Variants in HS3ST2 observed in about 807,000 individuals in gnomAD.
HS3ST2 encodes the protein heparan sulfate glucosamine 3-O-sulfotransferase 2.
Under a neutral mutation model 26.3 loss-of-function variants are expected in HS3ST2, and 17 were observed. That is an observed-to-expected ratio of 0.65 (90% CI 0.44 to 0.97). The LOEUF is 0.97. Among genes scored for constraint, HS3ST2 ranks in the 50% least tolerant of loss-of-function variants. The pLI is 0.00. For missense variants in HS3ST2, 402 were observed against 501.2 expected, an observed-to-expected ratio of 0.80 and a Z score of 1.89; for synonymous variants, 237 against 219.2, an observed-to-expected ratio of 1.08 and a Z score of -0.72.
chr16:22,906,294 C>T (rs1902350744), intron 1 of HS3ST2, among the ~76,000 whole-genome samples: 1 of 152,042 alleles, frequency 6.6e-6, no homozygotes, highest in African/African-American at 2.4e-5. Context: ...TCGCTTGAAC[C>T]TGGGAGGTGG....
intron 1 of HS3ST2, among the ~76,000 whole-genome samples, chr16:22,899,541 T>C (rs1902255769): frequency 6.6e-6 from 1 of 152,108 alleles, no homozygotes; most frequent in African/African-American, 2.4e-5. Flanking sequence ...CATGGTGGAA[T>C]TGTGCTGTGT....
intron 1 of HS3ST2, among the ~76,000 whole-genome samples, chr16:22,818,085 G>C (rs1258971471): frequency 5.9e-5 from 9 of 152,176 alleles, no homozygotes; most frequent in Non-Finnish European, 1.2e-4. Context: ...CCAATTTGCT[G>C]TCTTTCTGCC....
At chr16:22,819,945 GCAGA>G (rs1567478923) in intron 1 of HS3ST2, among the ~76,000 whole-genome samples, 1 of 152,244 alleles carries the variant, frequency 6.6e-6, no homozygotes, top group Non-Finnish European at 1.5e-5. Flanking sequence ...CGTAGTTAAT[GCAGA>G]CAGTTTTATC....
chr16:22,819,786 A>C (rs1218297503), intron 1 of HS3ST2, among the ~76,000 whole-genome samples: 1 of 152,236 alleles, frequency 6.6e-6, no homozygotes, highest in Non-Finnish European at 1.5e-5. Flanking sequence ...AGTACGAAAG[A>C]GAATAAAAAG....
chr16:22,827,060 G>T (rs765507045), intron 1 of HS3ST2, among the ~76,000 whole-genome samples: 3 of 152,156 alleles, frequency 2.0e-5, no homozygotes, highest in Non-Finnish European at 2.9e-5. Context: ...GTTAGGGAAG[G>T]CCTAGCAGAG....
intron 1 of HS3ST2, among the ~76,000 whole-genome samples, chr16:22,889,467 A>G (rs2141200172): frequency 6.6e-6 from 1 of 152,316 alleles, no homozygotes; most frequent in South Asian, 2.1e-4. Context: ...TCCAGAATCC[A>G]AAGCATTTTG....
intron 1 of HS3ST2, among the ~76,000 whole-genome samples, chr16:22,832,932 A>T (rs71378484): frequency 0.12 from 18,767 of 151,870 alleles, 1,279 homozygotes; most frequent in South Asian, 0.22. Context: ...GCAAGGACCA[A>T]ACCTTCCTGA....
At chr16:22,860,237 C>G (rs1901655928) in intron 1 of HS3ST2, among the ~76,000 whole-genome samples, 1 of 152,092 alleles carries the variant, frequency 6.6e-6, no homozygotes, top group Non-Finnish European at 1.5e-5. Context: ...AGACAAAGAG[C>G]AAAGGGACGT....
In HS3ST2 at chr16:22,912,632, T is replaced by G. The variant is rs561125719; in HGVS notation, c.486-2312T>G. ...AGAGAAGGGCTACCCTACAGGGGTG[T>G]TGTATAGGCAGTGTATCCAGTGTAG... On this transcript the variant is annotated intron_variant, in intron 1 of 1. Transcript: ENST00000261374. Among the ~76,000 whole-genome samples, 8 of 152,308 alleles carry G rather than the reference T, an allele frequency of 5.3e-5. No homozygotes were observed. The South Asian group carries it at 6.2e-4, about 12-fold the overall frequency.
At chr16:22,817,126 T>C (rs1900882451) in intron 1 of HS3ST2, among the ~76,000 whole-genome samples, 1 of 152,204 alleles carries the variant, frequency 6.6e-6, no homozygotes, top group Non-Finnish European at 1.5e-5. Context: ...TATTTATTTT[T>C]TTTTAGCACA....
intron 1 of HS3ST2, among the ~76,000 whole-genome samples, chr16:22,912,131 C>T (rs1319091375): frequency 2.0e-5 from 3 of 152,128 alleles, no homozygotes; most frequent in Non-Finnish European, 4.4e-5. Flanking sequence ...CACGCACACA[C>T]ACAAAAAACC....
At chr16:22,840,356 T>C (rs1255801472) in intron 1 of HS3ST2, among the ~76,000 whole-genome samples, 2 of 152,136 alleles carry the variant, frequency 1.3e-5, no homozygotes, top group Non-Finnish European at 2.9e-5. Context: ...CTTTGCAATT[T>C]ACCAGCAGGA....
At chr16:22,841,263 A>C (rs1901351362) in intron 1 of HS3ST2, among the ~76,000 whole-genome samples, 1 of 152,032 alleles carries the variant, frequency 6.6e-6, no homozygotes, top group Non-Finnish European at 1.5e-5. Context: ...GCGTTTCACT[A>C]TGTTGCCCAG....
intron 1 of HS3ST2, among the ~76,000 whole-genome samples, chr16:22,873,908 C>T (rs1196858094): frequency 1.3e-5 from 2 of 152,194 alleles, no homozygotes; most frequent in Non-Finnish European, 2.9e-5. Flanking sequence ...ATGGAGGCCC[C>T]ATCTCTGAGT....
chr16:22,837,095 TTTCCC>T (rs2141180391), intron 1 of HS3ST2, among the ~76,000 whole-genome samples: 1 of 148,988 alleles, frequency 6.7e-6, no homozygotes, highest in South Asian at 2.2e-4. Flanking sequence ...TTTGTTTTGT[TTTCCC>T]TTCCTGGATG....
chr16:22,847,458 TA>T (rs1901452511), intron 1 of HS3ST2, among the ~76,000 whole-genome samples: 1 of 152,196 alleles, frequency 6.6e-6, no homozygotes, highest in Non-Finnish European at 1.5e-5. Flanking sequence ...TGTAAATTTT[TA>T]AAAACCCATT....
intron 1 of HS3ST2, among the ~76,000 whole-genome samples, chr16:22,826,951 CAT>C (rs753223049): frequency 3.2e-4 from 48 of 152,308 alleles, no homozygotes; most frequent in Non-Finnish European, 4.4e-4. Context: ...GTAAGTCAAA[CAT>C]ATCTATGTCA....
intron 1 of HS3ST2, among the ~76,000 whole-genome samples, chr16:22,909,137 G>A (rs1376584456): frequency 6.6e-6 from 1 of 152,126 alleles, no homozygotes; most frequent in East Asian, 1.9e-4. Context: ...AACACAATTG[G>A]TTCCTAATAG....
At chr16:22,865,486 G>T (rs939095245) in intron 1 of HS3ST2, among the ~76,000 whole-genome samples, 5 of 151,256 alleles carry the variant, frequency 3.3e-5, no homozygotes, top group Admixed American at 1.3e-4. Context: ...AACCCAGGAG[G>T]CGGAGGTTGC....
Sources: gnomAD v4.1 joint callset for allele counts (sites outside exome capture counted in the v4.1 genomes callset) on GRCh38, gnomAD v4.1.1 for gene constraint, MANE v1.5 for transcripts, NCBI Gene and HGNC (gene_info 2026-07-23, HGNC 2026-07-21) for gene names.